Variants in CPEB2 observed in about 807,000 individuals in gnomAD.
The protein encoded by CPEB2 is cytoplasmic polyadenylation element-binding protein 2.
In CPEB2, 56 loss-of-function variants were observed where a neutral mutation model predicts 93.6. That is an observed-to-expected ratio of 0.60 (90% CI 0.48 to 0.75). The LOEUF is 0.75. Among genes scored for constraint, CPEB2 ranks in the 30% least tolerant of loss-of-function variants. The pLI, the probability that CPEB2 is intolerant of heterozygous loss-of-function variation, is 0.00. For missense variants in CPEB2, 1,579 were observed against 1,395.1 expected, an observed-to-expected ratio of 1.13 and a Z score of -2.10; for synonymous variants, 764 against 586.3, an observed-to-expected ratio of 1.30 and a Z score of -4.38.
intron 11 of CPEB2, among the ~76,000 whole-genome samples, chr4:15,062,781 T>C (rs919518222): frequency 3.3e-5 from 5 of 152,142 alleles, no homozygotes; most frequent in Non-Finnish European, 5.9e-5. Context: ...AAAAATGCAT[T>C]GTGTGTATTT....
chr4:15,004,047 C>T lies in CPEB2; in HGVS notation c.1374C>T (p.Asn458=), dbSNP rs1722422012. The change falls in exon 1 of 12, where the codon AAC becomes AAT. Residue 458 remains asparagine, a synonymous_variant. Transcript: ENST00000538197. The part of the protein sequence containing the change: ...GFYPGLPSSM[N]PAFFPSFSPV... Reference sequence around the variant, plus strand: ...ACCCCGGGCTGCCGTCGTCCATGAACCCGGCCTTCTTCCCTAGCTTCTCGC... The same window carrying T: ...ACCCCGGGCTGCCGTCGTCCATGAATCCGGCCTTCTTCCCTAGCTTCTCGC... The T allele has an allele frequency of 6.4e-7, 1 of 1,566,456 alleles. No individual in the cohort carries two copies. The highest frequency in any genetic ancestry group is 1.2e-5 in the South Asian group (1 of 86,684).
intron 4 of CPEB2, among the ~76,000 whole-genome samples, chr4:15,032,238 C>T (rs1186306287): frequency 1.3e-5 from 2 of 152,110 alleles, no homozygotes. Flanking sequence ...GGTGGGACTA[C>T]AAGCATGAGC....
rs1260538535 is a variant in CPEB2, at chr4:15,002,965, C to G, written c.292C>G (p.Leu98Val). 1 of 1,511,526 alleles carries G rather than the reference C, an allele frequency of 6.6e-7. No homozygotes were observed. Among genetic ancestry groups the G allele is most frequent in the Admixed American group, 2.3e-5 (1 of 42,566 alleles). The allele number at this position is 1,511,526 out of a possible 1,614,324, so 93.6% of individuals were successfully genotyped here. ...TCAGCAGACCATGCAGGATGAGCTGCTTCTGGGGCTGACACAGCAGCCGGC... is the reference window on the plus strand; with the variant it reads ...TCAGCAGACCATGCAGGATGAGCTGGTTCTGGGGCTGACACAGCAGCCGGC... Reference protein sequence around the residue: ...AHQQTMQDELLLGLTQQPARP... With the variant: ...AHQQTMQDELVLGLTQQPARP... Residue 98 changes from leucine (L) to valine (V), a missense_variant, in exon 1 of 12, where the codon CTT (leucine) becomes GTT (valine). Coordinates refer to ENST00000538197, the MANE Select transcript of CPEB2 (RefSeq NM_001177382.2).
At chr4:15,050,660 T>C (rs1728143401) in intron 6 of CPEB2, among the ~76,000 whole-genome samples, 1 of 152,204 alleles carries the variant, frequency 6.6e-6, no homozygotes, top group Non-Finnish European at 1.5e-5. Flanking sequence ...TCTCACATTG[T>C]TACTTAATTG....
chr4:15,003,428 G>C lies in CPEB2; in HGVS notation c.755G>C (p.Arg252Pro), dbSNP rs1181263187. The change falls in exon 1 of 12, where the codon CGG becomes CCG. Residue 252 changes from arginine to proline, a missense_variant. This residue lies in a region of CPEB2 where 1,411 missense variants were observed against 1,056.0 expected (regional missense o/e 1.34). Coordinates refer to ENST00000538197, the MANE Select transcript of CPEB2 (RefSeq NM_001177382.2). ...QHLSPQDFAPRQRPADLPPLP... is the reference protein window; with the variant it reads ...QHLSPQDFAPPQRPADLPPLP... ...CTCTCGCCGCAGGACTTCGCCCCGC[G>C]GCAGCGTCCGGCAGACCTGCCCCCG... 3.7e-6 allele frequency: 5 copies of C among 1,354,502 alleles called. No homozygotes were observed. In the East Asian group the frequency reaches 1.2e-4, roughly 34 times the overall value. The allele number at this position is 1,354,502 out of a possible 1,614,324, so 83.9% of individuals were successfully genotyped here. A position where few individuals can be genotyped will look rare whatever the true frequency, so the allele number is the denominator to read the frequency against.
At chr4:15,017,315 TAC>T (rs1393307083) in intron 4 of CPEB2, 37 bp downstream of exon 4, 3 of 1,084,438 alleles carry the variant, frequency 2.8e-6, no homozygotes, top group African/African-American at 3.2e-5. Context: ...GTTTATATTA[TAC>T]ACCAATTTGC....
At chr4:15,064,932 A>G (rs767657369) in intron 11 of CPEB2, among the ~76,000 whole-genome samples, 1 of 152,178 alleles carries the variant, frequency 6.6e-6, no homozygotes. Flanking sequence ...AAGAGAACTC[A>G]TAAATCAATT....
At chr4:15,005,049 A>G (rs1319043551) in intron 1 of CPEB2, 2 of 152,018 alleles carry the variant, frequency 1.3e-5, no homozygotes, top group African/African-American at 4.8e-5. Flanking sequence ...ACCTGCTGGC[A>G]GCGCCGCACC....
At position 15,002,584 on chromosome 4, in the gene CPEB2, C is replaced by T. The variant is rs1448773076; in HGVS notation, c.-90C>T. 1 of 1,110,788 alleles carries T rather than the reference C, an allele frequency of 9.0e-7. No individual in the cohort carries two copies. Among genetic ancestry groups the T allele is most frequent in the East Asian group, 2.9e-5 (1 of 34,816 alleles). The allele number at this position is 1,110,788 out of a possible 1,614,324, so 68.8% of individuals were successfully genotyped here. On this transcript the variant is annotated 5_prime_UTR_variant, in exon 1 of 12. Coordinates refer to ENST00000538197, the MANE Select transcript of CPEB2 (RefSeq NM_001177382.2). ...CCTCTCTCACTGACTCCCCCTCCTT[C>T]CACCACGGCCGCGCAACCCCAGCGC...
intron 4 of CPEB2, among the ~76,000 whole-genome samples, chr4:15,026,121 C>T (rs1010869048): frequency 3.3e-5 from 5 of 152,154 alleles, no homozygotes; most frequent in Admixed American, 6.5e-5. Flanking sequence ...GACTCTTTGG[C>T]ACCCCTATCA....
chr4:15,034,431 A>G (rs1328234210), intron 5 of CPEB2, among the ~76,000 whole-genome samples: 1 of 152,218 alleles, frequency 6.6e-6, no homozygotes, highest in Non-Finnish European at 1.5e-5. Context: ...TTAGGTTGAA[A>G]AGTGTTTCAT....
intron 3 of CPEB2, among the ~76,000 whole-genome samples, chr4:15,009,386 T>A (rs963234945): frequency 6.6e-5 from 10 of 152,260 alleles, no homozygotes; most frequent in African/African-American, 2.4e-4. Context: ...AAGTCCTGCC[T>A]GTTTTCCAAA....
intron 6 of CPEB2, among the ~76,000 whole-genome samples, chr4:15,044,525 A>G (rs1250166291): frequency 6.6e-6 from 1 of 152,220 alleles, no homozygotes; most frequent in East Asian, 1.9e-4. Context: ...ATAAGGTCAT[A>G]GATTATAAAT....
chr4:15,008,172 A>G (rs1723063090), intron 2 of CPEB2, among the ~76,000 whole-genome samples, 166 bp from the exon 3 acceptor site: 1 of 151,724 alleles, frequency 6.6e-6, no homozygotes, highest in Non-Finnish European at 1.5e-5. Context: ...CCTTATGGCT[A>G]TTGCAAGTGA....
At position 15,003,844 on chromosome 4, in the gene CPEB2, C is replaced by G. The variant is rs1259634260; in HGVS notation, c.1171C>G (p.Pro391Ala). Residue 391 changes from proline (P) to alanine (A), a missense_variant, in exon 1 of 12, where the codon CCA becomes GCA. Pro to Ala is a conservative substitution (Grantham distance 27). Coordinates refer to ENST00000538197, the MANE Select transcript of CPEB2 (RefSeq NM_001177382.2). ...TPWSVQTASP[P>A]PQPQQPPPTQ... ...CTGGTCGGTGCAGACCGCGTCGCCG[C>G]CACCCCAGCCCCAGCAGCCGCCGCC... The G allele has an allele frequency of 1.6e-5, 14 of 886,220 alleles. No individual in the cohort carries two copies. Among genetic ancestry groups the G allele is most frequent in the Non-Finnish European group, 1.9e-5 (13 of 673,074 alleles). The allele number at this position is 886,220 out of a possible 1,614,324, so 54.9% of individuals were successfully genotyped here.
At position 15,016,676 on chromosome 4, in the gene CPEB2, G is replaced by A. The variant is rs115485906; in HGVS notation, c.2035-512G>A. 6.7e-3 allele frequency among the ~76,000 whole-genome samples: 1,023 copies of A among 151,962 alleles called. 4 individuals are homozygous for A. The highest frequency in any genetic ancestry group is 8.8e-3 in the Non-Finnish European group (597 of 67,856). On this transcript the variant is annotated intron_variant, in intron 3 of 11. Transcript: ENST00000538197. ...GTATCTTATGCTTTTGATTTTTACC[G>A]TATAAGATGTTTATGCACTCATTAT...
chr4:15,015,111 C>G (rs1474474515), intron 3 of CPEB2, among the ~76,000 whole-genome samples: 3 of 152,004 alleles, frequency 2.0e-5, no homozygotes, highest in Non-Finnish European at 2.9e-5. Flanking sequence ...AGTGTGATAT[C>G]CAGACCAGCA....
At chr4:15,019,058 G>C (rs1273882101) in intron 4 of CPEB2, among the ~76,000 whole-genome samples, 1 of 149,476 alleles carries the variant, frequency 6.7e-6, no homozygotes. Context: ...AATTATCTTT[G>C]GCTGTGAGAA....
At chr4:15,058,035 C>T (rs1308319320) in intron 8 of CPEB2, among the ~76,000 whole-genome samples, 4 of 152,130 alleles carry the variant, frequency 2.6e-5, no homozygotes, top group Non-Finnish European at 4.4e-5. Flanking sequence ...TACTAGAAAG[C>T]GCATGGGAGA....
Sources: allele counts gnomAD v4.1 joint callset (sites outside exome capture counted in the v4.1 genomes callset), GRCh38; gene constraint gnomAD v4.1.1; regional missense constraint gnomAD v4.1.1; transcripts MANE v1.5; gene names NCBI Gene and HGNC (gene_info 2026-07-23, HGNC 2026-07-21).